Variants in EFTUD2 observed in about 807,000 individuals in gnomAD.
The protein encoded by EFTUD2 is elongation factor Tu GTP binding domain containing 2.
Under a neutral mutation model 114.3 loss-of-function variants are expected in EFTUD2, and 9 were observed. The observed-to-expected ratio is 0.08, with a 90% CI of 0.05 to 0.14. EFTUD2 has a LOEUF of 0.14. EFTUD2 is among the 10% of genes least tolerant of loss of function. The pLI is 1.00. For missense variants in EFTUD2, 765 were observed against 1,241.2 expected, an observed-to-expected ratio of 0.62 and a Z score of 5.76; for synonymous variants, 449 against 462.3, an observed-to-expected ratio of 0.97 and a Z score of 0.37.
rs34990843 is a variant in EFTUD2, at chr17:44,895,495, C to CA, written c.-4-971dup. Among the ~76,000 whole-genome samples, 545 of 87,658 alleles carry CA rather than the reference C, an allele frequency of 6.2e-3. 3 individuals carry two copies. Among genetic ancestry groups the CA allele is most frequent in the Middle Eastern group, 0.02 (3 of 150 alleles). The allele number at this position is 87,658 out of a possible 152,430, so 57.5% of individuals were successfully genotyped here. A position where few individuals can be genotyped will look rare whatever the true frequency, so the allele number is the denominator to read the frequency against. On this transcript the variant is annotated intron_variant, in intron 1 of 27. Transcript: ENST00000426333. ...TGGGAGACAGAACAAGACTCCATCT[C>CA]AAAAAAAAAAAAAAAAAAAAAGTTT...
At chr17:44,894,619 C>T (rs138781338) in intron 1 of EFTUD2, 94 bp from the exon 2 acceptor site, 2 of 915,308 alleles carry the variant, frequency 2.2e-6, no homozygotes, top group African/African-American at 1.6e-5. Context: ...TTATGGTTGG[C>T]CATACCCCTT....
intron 13 of EFTUD2, among the ~76,000 whole-genome samples, chr17:44,865,997 A>C (rs1007551203): frequency 6.6e-6 from 1 of 152,106 alleles, no homozygotes; most frequent in Non-Finnish European, 1.5e-5. Context: ...GTGCGGAGAT[A>C]AAGGGTTTAG....
intron 15 of EFTUD2, chr17:44,863,177 A>G (rs2050688387): frequency 2.9e-6 from 1 of 342,892 alleles, no homozygotes; most frequent in East Asian, 4.7e-5. Context: ...GAGAGGCACT[A>G]TTGGCAAGAT....
At chr17:44,898,388 T>G (rs2051437762) in intron 1 of EFTUD2, among the ~76,000 whole-genome samples, 1 of 152,166 alleles carries the variant, frequency 6.6e-6, no homozygotes, top group African/African-American at 2.4e-5. Context: ...TGGCTAATTT[T>G]TTTGTATTCT....
intron 2 of EFTUD2, among the ~76,000 whole-genome samples, chr17:44,890,049 C>T (rs1301058800): frequency 2.0e-5 from 3 of 151,920 alleles, no homozygotes; most frequent in African/African-American, 4.8e-5. Context: ...TCTTGTTTGC[C>T]GGGGCTGGAG....
intron 19 of EFTUD2, chr17:44,857,563 TG>T (rs2050578983): frequency 4.4e-6 from 1 of 226,078 alleles, no homozygotes; most frequent in Non-Finnish European, 9.0e-6. Flanking sequence ...AGTGAAGCTC[TG>T]CCCTGAAGCC....
chr17:44,890,464 G>A (rs767922916), intron 2 of EFTUD2, among the ~76,000 whole-genome samples: 2 of 151,398 alleles, frequency 1.3e-5, no homozygotes, highest in Non-Finnish European at 2.9e-5. Flanking sequence ...AGGCTGAGGC[G>A]GGCAGATCAC....
chr17:44,853,975 A>C, intron 23 of EFTUD2: 1 of 1,357,588 alleles, frequency 7.4e-7, no homozygotes, highest in Non-Finnish European at 9.5e-7. Context: ...GGGTCTATAA[A>C]CCATTCCAAT....
Position 44,854,347 on chromosome 17 carries a change from C to G in EFTUD2, c.2269G>C (p.Ala757Pro). 6.2e-7 allele frequency: 1 copy of G among 1,613,728 alleles called. No individual in the cohort carries two copies. Among genetic ancestry groups the G allele is most frequent in the Non-Finnish European group, 8.5e-7 (1 of 1,179,886 alleles). Residue 757 changes from alanine (A) to proline (P), a missense_variant, in exon 23 of 28, where the codon GCT (alanine) becomes CCT (proline). This residue lies in a region of EFTUD2 where 166 missense variants were observed against 401.5 expected (regional missense o/e 0.41). Transcript: ENST00000426333. The surrounding 1 kb of genome is among the most constrained non-coding windows in gnomAD (Gnocchi z 4.3). ...CTGTCCTTCACTGAACCAAGAAGAGCCTTGTCCACCTATAGAGAAACATGA... is the reference window on the plus strand; with the variant it reads ...CTGTCCTTCACTGAACCAAGAAGAGGCTTGTCCACCTATAGAGAAACATGA... ...DDTLPSEVDK[A>P]LLGSVKDSIV...
At chr17:44,873,890 C>T (rs1045978873) in intron 10 of EFTUD2, among the ~76,000 whole-genome samples, 1 of 151,586 alleles carries the variant, frequency 6.6e-6, no homozygotes, top group African/African-American at 2.4e-5. Context: ...CGCCACCAAG[C>T]CCGGCTAATT....
chr17:44,893,594 C>T (rs1292897907), intron 2 of EFTUD2, among the ~76,000 whole-genome samples: 1 of 152,168 alleles, frequency 6.6e-6, no homozygotes, highest in Non-Finnish European at 1.5e-5. Context: ...GATTACAAAA[C>T]CATCTCATCA....
intron 3 of EFTUD2, 38 bp from the exon 4 acceptor site, chr17:44,885,372 C>A: frequency 7.3e-7 from 1 of 1,367,656 alleles, no homozygotes; most frequent in Non-Finnish European, 1.0e-6. Flanking sequence ...TGTAGGTGGG[C>A]ATAAAACATA....
intron 7 of EFTUD2, among the ~76,000 whole-genome samples, chr17:44,881,299 C>T (rs2051068410): frequency 1.3e-5 from 2 of 152,356 alleles, no homozygotes; most frequent in South Asian, 4.1e-4. Context: ...AGAGAAGCTA[C>T]TCCTAGAAAG....
Position 44,851,229 on chromosome 17 carries a change from T to A in EFTUD2, c.*45A>T. On this transcript the variant is annotated 3_prime_UTR_variant, in exon 28 of 28. Coordinates refer to ENST00000426333, the MANE Select transcript of EFTUD2 (RefSeq NM_004247.4). ...GAGGTCTCAGCTTCAAGTACAGGAGTTGCAGCCCACTGTAGGGAGCAGGAG... is the reference window on the plus strand; with the variant it reads ...GAGGTCTCAGCTTCAAGTACAGGAGATGCAGCCCACTGTAGGGAGCAGGAG... 1.3e-6 allele frequency: 2 copies of A among 1,493,312 alleles called. No individual in the cohort carries two copies. 92.5% of individuals were successfully genotyped at this position (1,493,312 alleles called of 1,614,324 possible). A position where few individuals can be genotyped will look rare whatever the true frequency, so the allele number is the denominator to read the frequency against.
chr17:44,875,391 G>A (rs946973170), intron 10 of EFTUD2, among the ~76,000 whole-genome samples: 5 of 152,004 alleles, frequency 3.3e-5, no homozygotes, highest in Admixed American at 6.6e-5. Context: ...TTAGCCGGGC[G>A]TGGTGACGGG....
intron 7 of EFTUD2, among the ~76,000 whole-genome samples, 161 bp from the exon 8 acceptor site, chr17:44,880,805 C>A (rs2051059801): frequency 6.6e-6 from 1 of 152,196 alleles, no homozygotes; most frequent in African/African-American, 2.4e-5. Flanking sequence ...GATAAAATAT[C>A]TTGGTGTTAG....
At chr17:44,882,796 G>A (rs573175230) in intron 6 of EFTUD2, among the ~76,000 whole-genome samples, 75 of 152,258 alleles carry the variant, frequency 4.9e-4, no homozygotes, top group Admixed American at 1.5e-3. Context: ...TATAGAGCAG[G>A]CTATTAATAC....
At chr17:44,870,333 AC>A (rs11299650) in intron 11 of EFTUD2, among the ~76,000 whole-genome samples, 20,424 of 152,212 alleles carry the variant, frequency 0.13, 1,473 homozygotes, top group Middle Eastern at 0.17. Flanking sequence ...ACAAACTTCT[AC>A]TGGAACCCTG....
At chr17:44,859,793 C>T (rs1249723492) in intron 18 of EFTUD2, 112 bp downstream of exon 18, 1 of 1,544,258 alleles carries the variant, frequency 6.5e-7, no homozygotes, top group Non-Finnish European at 8.8e-7. Context: ...CCTGACACAG[C>T]TTCCTGTAAG....
Sources: gnomAD v4.1 joint callset for allele counts (sites outside exome capture counted in the v4.1 genomes callset) on GRCh38, gnomAD v4.1.1 for gene constraint, gnomAD v4.1.1 regional missense constraint, Gnocchi (gnomAD v3.1) non-coding constraint, MANE v1.5 for transcripts, NCBI Gene and HGNC (gene_info 2026-07-23, HGNC 2026-07-21) for gene names.